Variants in PLXNA2 observed in about 807,000 individuals in gnomAD.
The protein encoded by PLXNA2 is plexin-A2.
In PLXNA2, 91 loss-of-function variants were observed where a neutral mutation model predicts 193.5. The observed-to-expected ratio is 0.47, with a 90% CI of 0.40 to 0.56. PLXNA2 has a LOEUF of 0.56. PLXNA2 is among the 20% of genes least tolerant of loss of function. The probability of loss-of-function intolerance (pLI) is 0.00; values close to 1 mark genes in which losing one functional copy is unlikely to be tolerated. For synonymous variants in PLXNA2, 997 were observed against 1,027.3 expected (o/e 0.97, Z 0.56); for missense variants, 1,995 against 2,503.2 (o/e 0.80, Z 4.33).
At chr1:208,189,282 G>T (rs1670102257) in intron 3 of PLXNA2, among the ~76,000 whole-genome samples, 1 of 152,178 alleles carries the variant, frequency 6.6e-6, no homozygotes, top group South Asian at 2.1e-4. Flanking sequence ...TCACTCACAT[G>T]ATCATGCCTG....
intron 28 of PLXNA2, 63 bp from the exon 29 acceptor site, chr1:208,031,822 C>G: frequency 7.2e-7 from 1 of 1,390,932 alleles, no homozygotes; most frequent in Non-Finnish European, 9.9e-7. Flanking sequence ...GACAGGCATA[C>G]CAGATGGTGC....
At chr1:208,069,075 G>C (rs1318587802) in intron 12 of PLXNA2, among the ~76,000 whole-genome samples, 3 of 152,180 alleles carry the variant, frequency 2.0e-5, no homozygotes, top group Non-Finnish European at 4.4e-5. Flanking sequence ...AGGTATAAAG[G>C]TGGCTAGTTT....
intron 12 of PLXNA2, among the ~76,000 whole-genome samples, chr1:208,068,150 T>C (rs1665857292): frequency 6.6e-6 from 1 of 152,222 alleles, no homozygotes; most frequent in Non-Finnish European, 1.5e-5. Flanking sequence ...TAGCTTTTCT[T>C]AGGAAACTAA....
At position 208,236,517 on chromosome 1, in the gene PLXNA2, G is replaced by A. The variant is rs1671858101; in HGVS notation, c.-81+7126C>T. Reference sequence around the variant, plus strand: ...TCCACCCTCTCTCCCTTAAAGGGTGGAGCACACTGCCTGGCCGGCTGCTCC... The same window carrying A: ...TCCACCCTCTCTCCCTTAAAGGGTGAAGCACACTGCCTGGCCGGCTGCTCC... On this transcript the variant is annotated intron_variant, in intron 1 of 31. Transcript: ENST00000367033. The surrounding 1 kb of genome is among the most constrained non-coding windows in gnomAD (Gnocchi z 4.4). 6.6e-6 allele frequency among the ~76,000 whole-genome samples: 1 copy of A among 152,128 alleles called. No homozygotes were observed. Among genetic ancestry groups the A allele is most frequent in the East Asian group, 1.9e-4 (1 of 5,188 alleles).
At chr1:208,216,644 G>A in intron 2 of PLXNA2, 91 bp downstream of exon 2, 1 of 1,420,004 alleles carries the variant, frequency 7.0e-7, no homozygotes, top group Non-Finnish European at 9.5e-7. Context: ...GGTCCATGGT[G>A]GTGTGGGAGC....
intron 3 of PLXNA2, among the ~76,000 whole-genome samples, chr1:208,164,934 G>C (rs1275665193): frequency 6.6e-6 from 1 of 152,258 alleles, no homozygotes; most frequent in Non-Finnish European, 1.5e-5. Context: ...AGGCTTAGGT[G>C]GGGGCCTTGC....
rs1194598298 is a variant in PLXNA2, at chr1:208,025,557, CT to C, written c.*1685del. 6.7e-6 allele frequency: 1 copy of C among 148,792 alleles called. No individual in the cohort carries two copies. The highest frequency in any genetic ancestry group is 1.5e-5 in the Non-Finnish European group (1 of 68,144). 9.2% of individuals were successfully genotyped at this position (148,792 alleles called of 1,614,324 possible). A position where few individuals can be genotyped will look rare whatever the true frequency, so the allele number is the denominator to read the frequency against. ...TTGCTTCCACTTGTCCTCCTACCCC[CT>C]GACTCCAGTGCTGCTTGCAGAACAG... On this transcript the variant is annotated 3_prime_UTR_variant, in exon 32 of 32. Transcript: ENST00000367033.
At chr1:208,165,093 C>A (rs781163681) in intron 3 of PLXNA2, among the ~76,000 whole-genome samples, 1 of 152,160 alleles carries the variant, frequency 6.6e-6, no homozygotes, top group Non-Finnish European at 1.5e-5. Flanking sequence ...TTAATGTTGC[C>A]TCTTTTCTAA....
chr1:208,226,066 G>A (rs1383713398), intron 1 of PLXNA2, among the ~76,000 whole-genome samples: 1 of 152,174 alleles, frequency 6.6e-6, no homozygotes, highest in African/African-American at 2.4e-5. Flanking sequence ...AGATAGGCGG[G>A]TATCTCTGAC....
intron 29 of PLXNA2, chr1:208,030,797 C>T: frequency 1.0e-6 from 1 of 985,448 alleles, no homozygotes; most frequent in Non-Finnish European, 1.2e-6. Context: ...GTGCTCTTTC[C>T]CAAAGGAAGC....
chr1:208,234,861 G>C (rs537326699), intron 1 of PLXNA2, among the ~76,000 whole-genome samples: 1 of 152,284 alleles, frequency 6.6e-6, no homozygotes, highest in South Asian at 2.1e-4. Flanking sequence ...AGCAATTGGA[G>C]GGCAGTGAAT....
At chr1:208,120,098 G>A (rs551972873) in intron 4 of PLXNA2, among the ~76,000 whole-genome samples, 1 of 152,314 alleles carries the variant, frequency 6.6e-6, no homozygotes, top group East Asian at 1.9e-4. Flanking sequence ...ACCTTTGGCT[G>A]GTGACTCAGT....
intron 29 of PLXNA2, chr1:208,029,842 C>T: frequency 1.0e-6 from 1 of 985,640 alleles, no homozygotes; most frequent in African/African-American, 1.7e-5. Flanking sequence ...ATCAGAACAG[C>T]TGCTGCTTTT....
rs1205776328 is a variant in PLXNA2, at chr1:208,209,932, T to C, written c.1371+348A>G. 13 of 231,324 alleles carry C rather than the reference T, an allele frequency of 5.6e-5. No individual in the cohort carries two copies. The Admixed American group carries it at 7.5e-4, about 13-fold the overall frequency. The allele number at this position is 231,324 out of a possible 1,614,324, so 14.3% of individuals were successfully genotyped here. On this transcript the variant is annotated intron_variant, in intron 3 of 31. Transcript: ENST00000367033. ...AGGGATTTGCGATTTTGGAGATTTATAATGCACATAATCAAAAACTTAGTT... is the reference window on the plus strand; with the variant it reads ...AGGGATTTGCGATTTTGGAGATTTACAATGCACATAATCAAAAACTTAGTT...
At chr1:208,146,017 G>A (rs754151154) in intron 3 of PLXNA2, among the ~76,000 whole-genome samples, 1 of 152,130 alleles carries the variant, frequency 6.6e-6, no homozygotes, top group Non-Finnish European at 1.5e-5. Context: ...TTCAAGATAC[G>A]TATAGGGGGT....
rs147609830 is a variant in PLXNA2 at position 208,228,826 on chromosome 1, C to T, written c.-80-10824G>A. On this transcript the variant is annotated intron_variant, in intron 1 of 31. Transcript: ENST00000367033. ...CCCTTCTTTGCCTATCCATACCCAG[C>T]CCATCCTTCAAAGCCTCATAAACCC... Among the ~76,000 whole-genome samples, 5 of 152,296 alleles carry T rather than the reference C, an allele frequency of 3.3e-5. No individual in the cohort carries two copies. In the East Asian group the frequency reaches 9.7e-4, roughly 29 times the overall value.
chr1:208,082,435 A>G lies in PLXNA2; in HGVS notation c.2372T>C (p.Ile791Thr), dbSNP rs1211611316. Reference protein sequence around the residue: ...FAVVWNGNFIIDNPQDLKVHL... With the variant: ...FAVVWNGNFITDNPQDLKVHL... Reference sequence around the variant, plus strand: ...ACCTTTCAGGTCCTGAGGGTTGTCAATGATGAAATTGCCGTTCCACACCAC... The same window carrying G: ...ACCTTTCAGGTCCTGAGGGTTGTCAGTGATGAAATTGCCGTTCCACACCAC... The change falls in exon 11 of 32, where the codon ATT becomes ACT. Residue 791 changes from isoleucine to threonine, a missense_variant. Coordinates refer to ENST00000367033, the MANE Select transcript of PLXNA2 (RefSeq NM_025179.4). This position sits in a 1 kb window ranked among gnomAD's most constrained non-coding sequence, Gnocchi z 4.2. 6.2e-7 allele frequency: 1 copy of G among 1,614,124 alleles called. No individual in the cohort carries two copies. Among genetic ancestry groups the G allele is most frequent in the South Asian group, 1.1e-5 (1 of 91,082 alleles).
chr1:208,240,671 T>G (rs1272328766), intron 1 of PLXNA2, among the ~76,000 whole-genome samples: 2 of 150,772 alleles, frequency 1.3e-5, no homozygotes, highest in Admixed American at 1.3e-4. Flanking sequence ...CAAAGCCTGT[T>G]TCTACCAGTT....
At chr1:208,142,541 G>T (rs1335167405) in intron 3 of PLXNA2, 78 bp from the exon 4 acceptor site, 1 of 1,403,554 alleles carries the variant, frequency 7.1e-7, no homozygotes, top group Admixed American at 2.5e-5. Context: ...CCCAGAGCAG[G>T]TAGCTTACAG....
Sources: allele counts gnomAD v4.1 joint callset (sites outside exome capture counted in the v4.1 genomes callset), GRCh38; gene constraint gnomAD v4.1.1; non-coding constraint Gnocchi (gnomAD v3.1); transcripts MANE v1.5; gene names NCBI Gene and HGNC (gene_info 2026-07-23, HGNC 2026-07-21).